The following ARMH3 variants were observed in gnomAD, a reference collection of about 807,000 sequenced individuals.
The protein encoded by ARMH3 is armadillo like helical domain containing 3, also known as armadillo-like helical domain-containing protein 3.
Under a neutral mutation model 99.1 loss-of-function variants are expected in ARMH3, and 60 were observed. The observed-to-expected ratio is 0.61, with a 90% CI of 0.49 to 0.75. The LOEUF is 0.75. Ranked by LOEUF, ARMH3 falls within the 30% of genes least tolerant of loss-of-function variation. The pLI, the probability that ARMH3 is intolerant of heterozygous loss-of-function variation, is 0.00. For synonymous variants in ARMH3, 285 were observed against 292.8 expected (o/e 0.97, Z 0.27); for missense variants, 679 against 843.1 (o/e 0.81, Z 2.41).
At chr10:101,879,025 C>T (rs942661066) in intron 24 of ARMH3, among the ~76,000 whole-genome samples, 3 of 152,180 alleles carry the variant, frequency 2.0e-5, no homozygotes, top group Admixed American at 2.0e-4. Context: ...CCAGACGCCT[C>T]GTCAGTGTTT....
chr10:102,041,741 C>G (rs1160118878), intron 1 of ARMH3, among the ~76,000 whole-genome samples: 1 of 151,954 alleles, frequency 6.6e-6, no homozygotes, highest in Non-Finnish European at 1.5e-5. Flanking sequence ...ACCTGTCTCC[C>G]AGGTTCAAGT....
intron 20 of ARMH3, among the ~76,000 whole-genome samples, chr10:101,967,545 C>T (rs1444699745): frequency 6.6e-6 from 1 of 152,034 alleles, no homozygotes; most frequent in East Asian, 1.9e-4. Flanking sequence ...AAGACCAGCC[C>T]GGCCAACATG....
intron 20 of ARMH3, among the ~76,000 whole-genome samples, chr10:101,973,373 A>G (rs988787842): frequency 5.9e-5 from 9 of 152,068 alleles, no homozygotes; most frequent in East Asian, 3.9e-4. Flanking sequence ...AAAAAAAAAA[A>G]AAAAAGAAAA....
chr10:101,975,418 G>A (rs1405559099), intron 19 of ARMH3, 118 bp from the exon 20 acceptor site: 1 of 637,864 alleles, frequency 1.6e-6, no homozygotes, highest in Non-Finnish European at 2.7e-6. Flanking sequence ...ATATGAATAT[G>A]TATACATGCA....
At position 102,012,729 on chromosome 10, in the gene ARMH3, TCTTA is replaced by T; in HGVS notation, c.770+100_770+103del. The T allele has an allele frequency of 2.7e-6, 3 of 1,120,430 alleles. No homozygotes were observed. In the Admixed American group the frequency reaches 6.5e-5, roughly 24 times the overall value. The allele number at this position is 1,120,430 out of a possible 1,614,324, so 69.4% of individuals were successfully genotyped here. A position where few individuals can be genotyped will look rare whatever the true frequency, so the allele number is the denominator to read the frequency against. On this transcript the variant is annotated intron_variant, in intron 10 of 25. Coordinates refer to ENST00000370033, the MANE Select transcript of ARMH3 (RefSeq NM_024541.3). Reference sequence around the variant, plus strand: ...TGCCAGGGGCTGTACATCTGAATACTCTTAGACTAGGTAAGGGAATTTGACCCAA... The same window carrying T: ...TGCCAGGGGCTGTACATCTGAATACTGACTAGGTAAGGGAATTTGACCCAA...
chr10:101,851,353 G>A (rs1589900831), intron 24 of ARMH3, among the ~76,000 whole-genome samples: 1 of 152,162 alleles, frequency 6.6e-6, no homozygotes, highest in East Asian at 1.9e-4. Flanking sequence ...AGGAAGAAAG[G>A]GGAGACCAAG....
chr10:101,957,628 A>T (rs1845099261), intron 21 of ARMH3, 22 bp downstream of exon 21: 1 of 1,591,562 alleles, frequency 6.3e-7, no homozygotes, highest in Admixed American at 1.8e-5. Context: ...TCAGAAAAAG[A>T]AGTATTTGTT....
chr10:101,865,157 A>C (rs1589928371), intron 24 of ARMH3, among the ~76,000 whole-genome samples: 1 of 151,460 alleles, frequency 6.6e-6, no homozygotes, highest in South Asian at 2.1e-4. Flanking sequence ...CAGAGCTTGC[A>C]GTGAGCTGAG....
At chr10:102,014,979 C>A (rs528556793) in intron 8 of ARMH3, among the ~76,000 whole-genome samples, 1 of 152,196 alleles carries the variant, frequency 6.6e-6, no homozygotes, top group Admixed American at 6.5e-5. Flanking sequence ...GAAAACCCAA[C>A]TGAAAGGCTC....
intron 19 of ARMH3, among the ~76,000 whole-genome samples, chr10:101,981,235 C>T (rs1273654930): frequency 1.3e-5 from 2 of 151,850 alleles, no homozygotes; most frequent in African/African-American, 2.4e-5. Flanking sequence ...ATTTCTTGGG[C>T]TTCTTACCAG....
chr10:102,036,879 AAAAG>A (rs1191520370), intron 2 of ARMH3, among the ~76,000 whole-genome samples: 6 of 151,060 alleles, frequency 4.0e-5, no homozygotes, highest in Non-Finnish European at 5.9e-5. Flanking sequence ...AAAAAAAAAA[AAAAG>A]AAAGAAAACA....
At chr10:101,922,263 GAA>G (rs1843336174) in intron 23 of ARMH3, among the ~76,000 whole-genome samples, 1 of 151,964 alleles carries the variant, frequency 6.6e-6, no homozygotes, top group Non-Finnish European at 1.5e-5. Flanking sequence ...GTTTTTCTGA[GAA>G]AGAGTCTTAC....
At chr10:101,912,391 C>CA (rs34173316) in intron 23 of ARMH3, among the ~76,000 whole-genome samples, 1,795 of 82,896 alleles carry the variant, frequency 0.022, 41 homozygotes, top group Middle Eastern at 0.037. Context: ...GACTCTGTCT[C>CA]AAAAAAAAAA....
chr10:101,866,382 C>T (rs187639924), intron 24 of ARMH3, among the ~76,000 whole-genome samples: 51 of 150,370 alleles, frequency 3.4e-4, no homozygotes, highest in Non-Finnish European at 4.7e-4. Flanking sequence ...CAGAGCATTA[C>T]AAGAAGAGGC....
intron 4 of ARMH3, among the ~76,000 whole-genome samples, chr10:102,030,795 T>C (rs555933949): frequency 1.3e-5 from 2 of 152,278 alleles, no homozygotes; most frequent in Admixed American, 1.3e-4. Context: ...TTTTTGTTTT[T>C]GTTTGAGACG....
Position 102,025,203 on chromosome 10 carries a change from C to A in ARMH3, c.460G>T (p.Glu154Ter). ...TTCAGACATAAACTCTTCAGACTTT[C>A]AGAACCTTCTGCACAAAGCAATGAA... Reference protein sequence around the residue: ...LDSLLCAEGSESLKSLCLKLL... With the variant: ...LDSLLCAEGS Residue 154 changes from glutamate to a stop codon, truncating the protein, a stop_gained, in exon 6 of 26, where the codon GAA becomes TAA. Transcript: ENST00000370033. LOFTEE classifies it high-confidence loss of function. The A allele has an allele frequency of 1.2e-6, 2 of 1,613,990 alleles. No individual in the cohort carries two copies. The highest frequency in any genetic ancestry group is 1.7e-6 in the Non-Finnish European group (2 of 1,180,004).
intron 23 of ARMH3, among the ~76,000 whole-genome samples, chr10:101,928,958 T>G (rs1013139516): frequency 3.3e-5 from 5 of 152,190 alleles, no homozygotes; most frequent in African/African-American, 1.2e-4. Flanking sequence ...CTCAAACTCC[T>G]GACCTCAGGT....
At chr10:102,026,290 A>G (rs1049327371) in intron 5 of ARMH3, among the ~76,000 whole-genome samples, 4 of 152,222 alleles carry the variant, frequency 2.6e-5, no homozygotes, top group African/African-American at 9.6e-5. Context: ...TTCAATAAAT[A>G]TGTGAGCATC....
At chr10:102,024,421 A>G (rs1280644859) in intron 6 of ARMH3, among the ~76,000 whole-genome samples, 2 of 151,672 alleles carry the variant, frequency 1.3e-5, no homozygotes, top group African/African-American at 4.8e-5. Flanking sequence ...TGCACTCTCC[A>G]GCCTAGGCGA....
Sources: allele counts gnomAD v4.1 joint callset (sites outside exome capture counted in the v4.1 genomes callset), GRCh38; gene constraint gnomAD v4.1.1; transcripts MANE v1.5; gene names NCBI Gene and HGNC (gene_info 2026-07-23, HGNC 2026-07-21).